Variants in ZFR2 observed in about 807,000 individuals in gnomAD.
ZFR2 encodes zinc finger RNA-binding protein 2.
A neutral mutation model predicts 105.7 loss-of-function variants in ZFR2; 104 were observed. That is an observed-to-expected ratio of 0.98 (90% confidence interval 0.84 to 1.16). ZFR2 has a LOEUF of 1.16. ZFR2 is among the 50% of genes most tolerant of loss of function. The pLI, the probability that ZFR2 is intolerant of heterozygous loss-of-function variation, is 0.00. For missense variants in ZFR2, 1,425 were observed against 1,355.5 expected (o/e 1.05, Z -0.80); for synonymous variants, 634 against 597.7 (o/e 1.06, Z -0.89).
chr19:3,860,774 T>TCA (rs1568434605), intron 1 of ZFR2, among the ~76,000 whole-genome samples: 3 of 152,152 alleles, frequency 2.0e-5, no homozygotes, highest in African/African-American at 7.2e-5. Flanking sequence ...TGCACCAAAC[T>TCA]GGCCGACATC....
At chr19:3,867,304 T>TGTG (rs1555762877) in intron 1 of ZFR2, among the ~76,000 whole-genome samples, 1 of 149,656 alleles carries the variant, frequency 6.7e-6, no homozygotes, top group Non-Finnish European at 1.5e-5. Context: ...GATCAACTGT[T>TGTG]GGGGGGGGAA....
chr19:3,846,119 G>C (rs1039495036), intron 1 of ZFR2, among the ~76,000 whole-genome samples: 3 of 152,234 alleles, frequency 2.0e-5, no homozygotes, highest in African/African-American at 7.2e-5. Context: ...TGGGACTAAA[G>C]GCGTGTGCCA....
At position 3,810,852 on chromosome 19, in the gene ZFR2, G is replaced by C; in HGVS notation, c.2338-7C>G. 6.5e-7 allele frequency: 1 copy of C among 1,550,132 alleles called. No individual in the cohort carries two copies. Among genetic ancestry groups the C allele is most frequent in the Non-Finnish European group, 8.7e-7 (1 of 1,146,664 alleles). Reference sequence around the variant, plus strand: ...GCAGGCCGCTGGCTCGAGCCTTCGGGGGAGAAGCACACGGTTAGCTTTCAG... The same window carrying C: ...GCAGGCCGCTGGCTCGAGCCTTCGGCGGAGAAGCACACGGTTAGCTTTCAG... On this transcript the variant is annotated splice_polypyrimidine_tract_variant and splice_region_variant and intron_variant, in intron 15 of 18. Transcript: ENST00000262961.
chr19:3,830,478 GC>G (rs1371462957), intron 5 of ZFR2, among the ~76,000 whole-genome samples: 1 of 152,088 alleles, frequency 6.6e-6, no homozygotes, highest in African/African-American at 2.4e-5. Flanking sequence ...TGCAAAGAAG[GC>G]CGGGGTCTCT....
intron 1 of ZFR2, among the ~76,000 whole-genome samples, chr19:3,844,019 G>GTC: frequency 8.9e-5 from 2 of 22,380 alleles, no homozygotes; most frequent in Admixed American, 4.1e-4. Context: ...GATGTGGGGG[G>GTC]GGGGGTGCCA....
At position 3,805,393 on chromosome 19, in the gene ZFR2, CT is replaced by C. The variant is rs997896345; in HGVS notation, c.*555del. ...CATTTCTTTTAAGTGACAAAGTCTT[CT>C]TCTGTTGCCCAGGCTGGAGTGTCAC... On this transcript the variant is annotated 3_prime_UTR_variant, in exon 19 of 19. Transcript: ENST00000262961. The C allele has an allele frequency of 6.6e-6, 1 of 152,168 alleles. No individual in the cohort carries two copies. The highest frequency in any genetic ancestry group is 2.4e-5 in the African/African-American group (1 of 41,366). 9.4% of individuals were successfully genotyped at this position (152,168 alleles called of 1,614,324 possible). A position where few individuals can be genotyped will look rare whatever the true frequency, so the allele number is the denominator to read the frequency against.
chr19:3,808,878 G>C lies in ZFR2; in HGVS notation c.2539C>G (p.Leu847Val). 3 of 1,549,744 alleles carry C rather than the reference G, an allele frequency of 1.9e-6. No homozygotes were observed. The East Asian group carries it at 7.3e-5, about 38-fold the overall frequency. ...CTCCGGCCCAGCGACTGACCTGTCA[G>C]GAGCGTCCCTGTGGCCACGCACTCC... is the stretch of plus-strand genomic sequence containing the variant. ...VLECVATGTL[L>V]TDGPGLQDPC... Residue 847 changes from leucine (L) to valine (V), a missense_variant, in exon 17 of 19, where the codon CTG becomes GTG. Coordinates refer to ENST00000262961, the MANE Select transcript of ZFR2 (RefSeq NM_015174.2).
At chr19:3,822,003 C>G (rs2037899831) in intron 9 of ZFR2, 78 bp downstream of exon 9, 1 of 1,508,024 alleles carries the variant, frequency 6.6e-7, no homozygotes, top group African/African-American at 1.4e-5. Context: ...CGGAAGAGGC[C>G]CGACCACAGG....
chr19:3,830,394 C>A lies in ZFR2; in HGVS notation c.852+909G>T, dbSNP rs141243787. Among the ~76,000 whole-genome samples the A allele has an allele frequency of 4.0e-3, 615 of 152,250 alleles. 4 individuals carry two copies. Among genetic ancestry groups the A allele is most frequent in the Middle Eastern group, 0.014 (4 of 294 alleles). On this transcript the variant is annotated intron_variant, in intron 5 of 18. Coordinates refer to ENST00000262961, the MANE Select transcript of ZFR2 (RefSeq NM_015174.2). ...GAGGCTGTAGCGAGCTGTGATTGTA[C>A]CACTGCACCCTAGCCTGAGCAACAG...
rs531762402 is a variant in ZFR2, at chr19:3,834,927, G to T, written c.110C>A (p.Pro37His). ...CACGGCAGGGTCCATCCCAGGAGTG[G>T]GTTGTGCAGTATAGCTGGCCCCCAC... is the stretch of plus-strand genomic sequence containing the variant. Reference protein sequence around the residue: ...PTVGASYTAQPTPGMDPAVNP... With the variant: ...PTVGASYTAQHTPGMDPAVNP... The change falls in exon 2 of 19, where the codon CCC becomes CAC. Residue 37 changes from proline to histidine, a missense_variant. Pro to His is a moderately conservative substitution (Grantham distance 77, BLOSUM62 -2). Transcript: ENST00000262961. The surrounding 1 kb of genome is among the most constrained non-coding windows in gnomAD (Gnocchi z 5.3). The T allele has an allele frequency of 9.9e-6, 16 of 1,611,776 alleles. No individual in the cohort carries two copies. The South Asian group carries it at 1.8e-4, about 18-fold the overall frequency.
chr19:3,825,045 C>T (rs762735502), intron 7 of ZFR2, among the ~76,000 whole-genome samples, 185 bp downstream of exon 7: 20 of 152,108 alleles, frequency 1.3e-4, no homozygotes, highest in Admixed American at 4.6e-4. Flanking sequence ...AGGTTCAGGG[C>T]GGTGTGGGCC....
At chr19:3,814,343 T>G (rs1292878963) in intron 13 of ZFR2, among the ~76,000 whole-genome samples, 1 of 152,140 alleles carries the variant, frequency 6.6e-6, no homozygotes, top group Non-Finnish European at 1.5e-5. Flanking sequence ...TACCCCATAG[T>G]CAGGGAGGAG....
At position 3,823,546 on chromosome 19, in the gene ZFR2, GC is replaced by G. The variant is rs2037918107; in HGVS notation, c.1214-144del. Reference sequence around the variant, plus strand: ...CCCTCCTGTGATGTCAGGGGGAATGGCCCCGGACAGCAACCTCGCTCTCCCT... The same window carrying G: ...CCCTCCTGTGATGTCAGGGGGAATGGCCCGGACAGCAACCTCGCTCTCCCT... On this transcript the variant is annotated intron_variant, in intron 7 of 18. Coordinates refer to ENST00000262961, the MANE Select transcript of ZFR2 (RefSeq NM_015174.2). This position sits in a 1 kb window ranked among gnomAD's most constrained non-coding sequence, Gnocchi z 5.4. 1.2e-6 allele frequency: 1 copy of G among 821,506 alleles called. No individual in the cohort carries two copies. Among genetic ancestry groups the G allele is most frequent in the Admixed American group, 3.0e-5 (1 of 32,808 alleles). 50.9% of individuals were successfully genotyped at this position (821,506 alleles called of 1,614,324 possible). A position where few individuals can be genotyped will look rare whatever the true frequency, so the allele number is the denominator to read the frequency against.
chr19:3,804,099 T>C lies in ZFR2; in HGVS notation c.*1850A>G, dbSNP rs1160508889. ...ACAAAGACATTCAGACAGAGCCACA[T>C]GCAGGCTGTCCTTCAAACACAGAGA... On this transcript the variant is annotated 3_prime_UTR_variant, in exon 19 of 19. Coordinates refer to ENST00000262961, the MANE Select transcript of ZFR2 (RefSeq NM_015174.2). 6.6e-6 allele frequency: 1 copy of C among 152,164 alleles called. No homozygotes were observed. Among genetic ancestry groups the C allele is most frequent in the African/African-American group, 2.4e-5 (1 of 41,388 alleles). 9.4% of individuals were successfully genotyped at this position (152,164 alleles called of 1,614,324 possible).
intron 1 of ZFR2, among the ~76,000 whole-genome samples, chr19:3,863,586 C>A (rs969873455): frequency 6.6e-6 from 1 of 152,184 alleles, no homozygotes; most frequent in African/African-American, 2.4e-5. Flanking sequence ...CACTGCCATG[C>A]CTGGCCATGT....
Position 3,811,424 on chromosome 19 carries a change from C to T in ZFR2, c.2243-58G>A, listed in dbSNP as rs568383746. On this transcript the variant is annotated intron_variant, in intron 14 of 18. Transcript: ENST00000262961. ...AAGGTGCCTCGTCCCGCTCTGCTGCCGACGGGGTGAGGGGCTCAGTTTGGG... is the reference window on the plus strand; with the variant it reads ...AAGGTGCCTCGTCCCGCTCTGCTGCTGACGGGGTGAGGGGCTCAGTTTGGG... 1.5e-4 allele frequency: 222 copies of T among 1,506,606 alleles called. No individual in the cohort carries two copies. The African/African-American group carries it at 2.6e-3, about 18-fold the overall frequency. The allele number at this position is 1,506,606 out of a possible 1,614,324, so 93.3% of individuals were successfully genotyped here. A position where few individuals can be genotyped will look rare whatever the true frequency, so the allele number is the denominator to read the frequency against.
intron 13 of ZFR2, among the ~76,000 whole-genome samples, chr19:3,816,362 C>T (rs1306524186): frequency 1.3e-5 from 2 of 150,648 alleles, no homozygotes; most frequent in African/African-American, 4.9e-5. Flanking sequence ...TCTCCCACTT[C>T]AGCCTCCCAC....
At chr19:3,864,500 C>T (rs1048091899) in intron 1 of ZFR2, among the ~76,000 whole-genome samples, 7 of 152,320 alleles carry the variant, frequency 4.6e-5, no homozygotes, top group Admixed American at 2.6e-4. Flanking sequence ...CACAGCTAGC[C>T]GACTGCGTAA....
Position 3,865,888 on chromosome 19 carries a change from G to C in ZFR2, c.53+3077C>G, listed in dbSNP as rs553503477. On this transcript the variant is annotated intron_variant, in intron 1 of 18. Transcript: ENST00000262961. ...CAGTCTCACCCTGTCGCCCAGGCTGGAGTGCAGTAACGTGATGATCTCAGC... is the reference window on the plus strand; with the variant it reads ...CAGTCTCACCCTGTCGCCCAGGCTGCAGTGCAGTAACGTGATGATCTCAGC... Among the ~76,000 whole-genome samples, 28 of 152,172 alleles carry C rather than the reference G, an allele frequency of 1.8e-4. 1 individual carries two copies. In the South Asian group the frequency reaches 5.8e-3, roughly 32 times the overall value.
Sources: allele counts gnomAD v4.1 joint callset (sites outside exome capture counted in the v4.1 genomes callset), GRCh38; gene constraint gnomAD v4.1.1; non-coding constraint Gnocchi (gnomAD v3.1); transcripts MANE v1.5; gene names NCBI Gene and HGNC (gene_info 2026-07-23, HGNC 2026-07-21).